PKP4: variants seen among roughly 807,000 people sequenced by gnomAD.
PKP4 encodes the protein plakophilin 4.
PKP4 carries 90 observed loss-of-function variants against 145.1 expected under a neutral mutation model. The ratio of observed to expected loss-of-function variants is 0.62; its 90% confidence interval spans 0.52 to 0.74. The LOEUF (loss-of-function observed/expected upper bound fraction) is 0.74, where lower values mean the gene tolerates loss of function less well. PKP4 is among the 30% of genes least tolerant of loss of function. PKP4 has a pLI of 0.00. For missense variants in PKP4, 1,340 were observed against 1,482.7 expected (o/e 0.90, Z 1.58); for synonymous variants, 563 against 577.2 (o/e 0.98, Z 0.35).
chr2:158,673,434 A>G (rs892897107), intron 17 of PKP4, among the ~76,000 whole-genome samples: 20 of 152,214 alleles, frequency 1.3e-4, no homozygotes, highest in Non-Finnish European at 2.6e-4. Context: ...CGTCCCGGCC[A>G]CAGCTGCTCC....
At chr2:158,663,577 G>A in intron 15 of PKP4, 132 bp downstream of exon 15, 1 of 724,846 alleles carries the variant, frequency 1.4e-6, no homozygotes. Context: ...GCTTGTGTGT[G>A]AAGGGGTTAA....
At chr2:158,509,657 A>C (rs1272545127) in intron 1 of PKP4, among the ~76,000 whole-genome samples, 3 of 152,204 alleles carry the variant, frequency 2.0e-5, no homozygotes, top group Admixed American at 6.5e-5. Flanking sequence ...ATATAGAAAT[A>C]CTAGTGTGGG....
chr2:158,562,150 A>G (rs775736429), intron 2 of PKP4, among the ~76,000 whole-genome samples: 4 of 152,190 alleles, frequency 2.6e-5, no homozygotes, highest in Non-Finnish European at 5.9e-5. Flanking sequence ...ATTTTAAGAT[A>G]TGTTTTGTTG....
intron 6 of PKP4, among the ~76,000 whole-genome samples, chr2:158,622,256 G>T (rs1349535515): frequency 1.3e-5 from 2 of 151,924 alleles, no homozygotes; most frequent in African/African-American, 4.8e-5. Context: ...GAAAGTTATT[G>T]TATAGAAACA....
intron 1 of PKP4, among the ~76,000 whole-genome samples, chr2:158,477,282 T>C (rs1692632047): frequency 6.7e-6 from 1 of 148,832 alleles, no homozygotes; most frequent in African/African-American, 2.5e-5. Context: ...TCCCTGAGGG[T>C]CAACATGCAT....
At chr2:158,623,490 T>C (rs1032717443) in intron 6 of PKP4, among the ~76,000 whole-genome samples, 4 of 152,124 alleles carry the variant, frequency 2.6e-5, no homozygotes, top group African/African-American at 9.7e-5. Context: ...GCCCCAATCA[T>C]GCTTGTTAAC....
chr2:158,661,363 G>A lies in PKP4; in HGVS notation c.2124G>A (p.Arg708=). The change falls in exon 13 of 22, where the codon CGG becomes CGA. Residue 708 remains arginine, a synonymous_variant. Transcript: ENST00000389759. The part of the protein sequence containing the change: ...RNLSSAGEEA[R]KQMRSCEGLV... ...TCAGCTCCGCGGGGGAAGAAGCTCG[G>A]AAGCAAATGCGGTCCTGCGAGGGGC... 1 of 1,613,912 alleles carries A rather than the reference G, an allele frequency of 6.2e-7. No individual in the cohort carries two copies. The highest frequency in any genetic ancestry group is 8.5e-7 in the Non-Finnish European group (1 of 1,179,834).
intron 1 of PKP4, among the ~76,000 whole-genome samples, chr2:158,502,113 C>A (rs1696670426): frequency 6.6e-6 from 1 of 152,114 alleles, no homozygotes. Context: ...TTATTGCATT[C>A]ATGCTGAAGA....
At chr2:158,594,796 C>A (rs2049579788) in intron 3 of PKP4, among the ~76,000 whole-genome samples, 1 of 152,066 alleles carries the variant, frequency 6.6e-6, no homozygotes, top group South Asian at 2.1e-4. Flanking sequence ...AATATTTTTG[C>A]TAAGAAATCA....
At chr2:158,495,991 TTTTA>T (rs1192577212) in intron 1 of PKP4, among the ~76,000 whole-genome samples, 1 of 152,074 alleles carries the variant, frequency 6.6e-6, no homozygotes. Flanking sequence ...TTTTATTTTA[TTTTA>T]TTTGAGATGG....
chr2:158,607,289 G>C (rs1214079371), intron 4 of PKP4, among the ~76,000 whole-genome samples: 1 of 152,132 alleles, frequency 6.6e-6, no homozygotes, highest in Non-Finnish European at 1.5e-5. Flanking sequence ...TGGAGACTTA[G>C]TGTTTGATGG....
chr2:158,474,491 C>A (rs1692134120), intron 1 of PKP4, among the ~76,000 whole-genome samples: 1 of 151,902 alleles, frequency 6.6e-6, no homozygotes, highest in Non-Finnish European at 1.5e-5. Context: ...AAGTTAAGCC[C>A]AATAAAAAAT....
intron 2 of PKP4, among the ~76,000 whole-genome samples, chr2:158,551,611 A>AT (rs2045632422): frequency 6.6e-6 from 1 of 152,260 alleles, no homozygotes; most frequent in Non-Finnish European, 1.5e-5. Context: ...AAATAAAGGC[A>AT]TATCTGTTTC....
chr2:158,509,158 AGATTT>A (rs1405126678), intron 1 of PKP4, among the ~76,000 whole-genome samples: 1 of 152,124 alleles, frequency 6.6e-6, no homozygotes, highest in African/African-American at 2.4e-5. Flanking sequence ...TAATTTTTTG[AGATTT>A]GATTATATCA....
intron 20 of PKP4, among the ~76,000 whole-genome samples, chr2:158,677,703 G>A (rs1426047872): frequency 6.6e-6 from 1 of 152,032 alleles, no homozygotes; most frequent in Non-Finnish European, 1.5e-5. Context: ...TTTACTAATC[G>A]ACTGTTGTTA....
At chr2:158,497,271 A>C (rs537511718) in intron 1 of PKP4, among the ~76,000 whole-genome samples, 1 of 152,156 alleles carries the variant, frequency 6.6e-6, no homozygotes, top group Admixed American at 6.5e-5. Flanking sequence ...GACTAGAGTG[A>C]TATTCTAACA....
chr2:158,628,189 C>G (rs2053003325), intron 7 of PKP4, among the ~76,000 whole-genome samples: 1 of 151,894 alleles, frequency 6.6e-6, no homozygotes, highest in South Asian at 2.1e-4. Context: ...CCATGTTGGC[C>G]AGGATGTTCT....
In PKP4 at chr2:158,658,240, C is replaced by T; in HGVS notation, c.2019C>T (p.Asn673=). The T allele has an allele frequency of 6.2e-7, 1 of 1,602,608 alleles. No individual in the cohort carries two copies. Among genetic ancestry groups the T allele is most frequent in the Non-Finnish European group, 8.5e-7 (1 of 1,170,060 alleles). ...TTGTTCCACATTCTGGATGGAATAA[C>T]TCTTCTTTTGATGATGATCATAAAA... ...TVIVPHSGWN[N]SSFDDDHKIK... is the part of the protein sequence containing the mutation. The change falls in exon 12 of 22, where the codon AAC becomes AAT. Residue 673 remains asparagine, a synonymous_variant. Transcript: ENST00000389759.
intron 9 of PKP4, among the ~76,000 whole-genome samples, chr2:158,634,967 T>C (rs1365568023): frequency 1.3e-5 from 2 of 152,244 alleles, no homozygotes; most frequent in Non-Finnish European, 2.9e-5. Context: ...TAAAGCCATT[T>C]AAAATATTCA....
Sources: allele counts gnomAD v4.1 joint callset (sites outside exome capture counted in the v4.1 genomes callset), GRCh38; gene constraint gnomAD v4.1.1; transcripts MANE v1.5; gene names NCBI Gene and HGNC (gene_info 2026-07-23, HGNC 2026-07-21).